KIAA1549L: variants seen among roughly 807,000 people sequenced by gnomAD.
The protein encoded by KIAA1549L is KIAA1549 like, also known as UPF0606 protein KIAA1549L.
A neutral mutation model predicts 160.7 loss-of-function variants in KIAA1549L; 88 were observed. That is an observed-to-expected ratio of 0.55 (90% CI 0.46 to 0.65). The LOEUF (loss-of-function observed/expected upper bound fraction) is 0.65. KIAA1549L is among the 30% of genes least tolerant of loss of function. The pLI, the probability that KIAA1549L is intolerant of heterozygous loss-of-function variation, is 0.00. For missense variants in KIAA1549L, 2,258 were observed against 2,437.5 expected, an observed-to-expected ratio of 0.93 and a Z score of 1.55; for synonymous variants, 950 against 976.7, an observed-to-expected ratio of 0.97 and a Z score of 0.51.
In KIAA1549L at chr11:33,442,402, G is replaced by A. The variant is rs1012078268; in HGVS notation, c.238+65513G>A. 1.5e-4 allele frequency among the ~76,000 whole-genome samples: 23 copies of A among 152,078 alleles called. 1 individual carries two copies. Among genetic ancestry groups the A allele is most frequent in the South Asian group, 1.0e-3 (5 of 4,800 alleles). On this transcript the variant is annotated intron_variant, in intron 1 of 20. Coordinates refer to ENST00000658780, the MANE Select transcript of KIAA1549L (RefSeq NM_012194.3). Reference sequence around the variant, plus strand: ...TGGCTTAGGATTGACTTGGCAATGCGGGCTCTTTTTTGGTTCCATATGAAC... The same window carrying A: ...TGGCTTAGGATTGACTTGGCAATGCAGGCTCTTTTTTGGTTCCATATGAAC...
chr11:33,435,796 A>ATATGTGTG (rs1565135857), intron 1 of KIAA1549L, among the ~76,000 whole-genome samples: 1 of 34,670 alleles, frequency 2.9e-5, no homozygotes, highest in African/African-American at 1.8e-4. Flanking sequence ...ATATATATAT[A>ATATGTGTG]TATATATATA....
At chr11:33,530,425 AAAAAAAAAAAAATAT>A (rs1480181028) in intron 1 of KIAA1549L, among the ~76,000 whole-genome samples, 12 of 39,500 alleles carry the variant, frequency 3.0e-4, no homozygotes, top group African/African-American at 9.8e-4. Flanking sequence ...AAAAAAAAAA[AAAAAAAAAAAAATAT>A]ATATATATAT....
intron 1 of KIAA1549L, among the ~76,000 whole-genome samples, chr11:33,407,576 T>C (rs1382242017): frequency 1.3e-5 from 2 of 152,096 alleles, no homozygotes; most frequent in Non-Finnish European, 2.9e-5. Context: ...TTCAAACTTG[T>C]GACCTCAAGT....
At chr11:33,448,926 C>G (rs1396688193) in intron 1 of KIAA1549L, among the ~76,000 whole-genome samples, 1 of 152,144 alleles carries the variant, frequency 6.6e-6, no homozygotes, top group East Asian at 1.9e-4. Flanking sequence ...CTCAGTGACT[C>G]ACTTTGGTTT....
At chr11:33,464,820 C>G (rs1487943515) in intron 1 of KIAA1549L, among the ~76,000 whole-genome samples, 1 of 152,044 alleles carries the variant, frequency 6.6e-6, no homozygotes, top group Non-Finnish European at 1.5e-5. Flanking sequence ...GTGTCTTCCC[C>G]CACCTCCTTG....
intron 1 of KIAA1549L, among the ~76,000 whole-genome samples, chr11:33,495,947 G>A (rs952849355): frequency 6.6e-6 from 1 of 151,986 alleles, no homozygotes; most frequent in African/African-American, 2.4e-5. Context: ...GTCTGTTCAT[G>A]TCCTTCGCCC....
intron 13 of KIAA1549L, chr11:33,599,156 C>G: frequency 2.3e-6 from 1 of 432,118 alleles, no homozygotes; most frequent in South Asian, 4.2e-5. Context: ...TGTCTCACTT[C>G]CTCCGCCCCT....
intron 1 of KIAA1549L, among the ~76,000 whole-genome samples, chr11:33,510,311 G>A (rs537470037): frequency 1.3e-5 from 2 of 152,128 alleles, no homozygotes; most frequent in East Asian, 1.9e-4. Flanking sequence ...TCAGCCCCCC[G>A]AGTAGCTGGG....
chr11:33,556,638 T>A (rs1286835658), intron 6 of KIAA1549L, among the ~76,000 whole-genome samples: 1 of 152,184 alleles, frequency 6.6e-6, no homozygotes, highest in African/African-American at 2.4e-5. Flanking sequence ...ATAAAAGATA[T>A]CTAGAGTTGT....
intron 15 of KIAA1549L, among the ~76,000 whole-genome samples, chr11:33,616,124 A>G (rs985715090): frequency 6.6e-6 from 1 of 152,190 alleles, no homozygotes; most frequent in African/African-American, 2.4e-5. Context: ...AAAGGGGAAT[A>G]TATTATTGAG....
rs550103785 is a variant in KIAA1549L at position 33,495,491 on chromosome 11, G to A, written c.239-46311G>A. Among the ~76,000 whole-genome samples the A allele has an allele frequency of 6.8e-4, 104 of 152,104 alleles. No homozygotes were observed. The East Asian group carries it at 7.5e-3, about 11-fold the overall frequency. On this transcript the variant is annotated intron_variant, in intron 1 of 20. Transcript: ENST00000658780. Reference sequence around the variant, plus strand: ...TTATGGCTGCATAGTATTCCATGGCGTATATGTGCCACATTTTCTTAATCC... The same window carrying A: ...TTATGGCTGCATAGTATTCCATGGCATATATGTGCCACATTTTCTTAATCC...
At chr11:33,612,599 G>GT (rs112294501) in intron 15 of KIAA1549L, among the ~76,000 whole-genome samples, 7,412 of 142,936 alleles carry the variant, frequency 0.052, 409 homozygotes, top group African/African-American at 0.15. Flanking sequence ...AGACTGGGTA[G>GT]TTTTTTTTTT....
chr11:33,649,365 A>T (rs2133414320), intron 17 of KIAA1549L, among the ~76,000 whole-genome samples: 1 of 149,712 alleles, frequency 6.7e-6, no homozygotes, highest in South Asian at 2.1e-4. Context: ...AAAAAAAAAA[A>T]TTGGCTGGGC....
chr11:33,572,103 C>T (rs1178727707), intron 9 of KIAA1549L, among the ~76,000 whole-genome samples: 2 of 151,448 alleles, frequency 1.3e-5, no homozygotes, highest in East Asian at 3.9e-4. Context: ...GTGGTGTGAG[C>T]TCAGCTCACT....
intron 1 of KIAA1549L, among the ~76,000 whole-genome samples, chr11:33,421,712 A>G (rs763004442): frequency 9.9e-5 from 15 of 152,234 alleles, no homozygotes; most frequent in Non-Finnish European, 2.1e-4. Context: ...TAACAATAAC[A>G]TCAATAATAA....
At chr11:33,536,459 C>T (rs1853895863) in intron 1 of KIAA1549L, among the ~76,000 whole-genome samples, 1 of 152,206 alleles carries the variant, frequency 6.6e-6, no homozygotes, top group African/African-American at 2.4e-5. Flanking sequence ...GGCATAGCCT[C>T]TCCACGTGGT....
intron 1 of KIAA1549L, among the ~76,000 whole-genome samples, chr11:33,531,038 T>C (rs1853757346): frequency 6.6e-6 from 1 of 152,204 alleles, no homozygotes; most frequent in Non-Finnish European, 1.5e-5. Flanking sequence ...TGCGGTGGGA[T>C]GTGCACGTGG....
intron 20 of KIAA1549L, chr11:33,665,229 AAGG>A (rs1286499032): frequency 1.3e-5 from 2 of 152,270 alleles, no homozygotes; most frequent in Non-Finnish European, 2.9e-5. Flanking sequence ...AGAAGGTGAA[AAGG>A]AGGTTTATTT....
chr11:33,416,647 C>T (rs575963115), intron 1 of KIAA1549L, among the ~76,000 whole-genome samples: 22 of 152,238 alleles, frequency 1.4e-4, no homozygotes, highest in Non-Finnish European at 3.1e-4. Flanking sequence ...GGGACTTGAG[C>T]ATCTGTGGAC....
Sources: gnomAD v4.1 joint callset for allele counts (sites outside exome capture counted in the v4.1 genomes callset) on GRCh38, gnomAD v4.1.1 for gene constraint, MANE v1.5 for transcripts, NCBI Gene and HGNC (gene_info 2026-07-23, HGNC 2026-07-21) for gene names.